The following SYN3 variants were observed in gnomAD, a reference collection of about 807,000 sequenced individuals.
SYN3 encodes the protein synapsin III.
In SYN3, 35 loss-of-function variants were observed where a neutral mutation model predicts 65.8. The ratio of observed to expected loss-of-function variants is 0.53; its 90% CI spans 0.41 to 0.70. The LOEUF (loss-of-function observed/expected upper bound fraction) is 0.70, where lower values mean the gene tolerates loss of function less well. Ranked by LOEUF, SYN3 falls within the 30% of genes least tolerant of loss-of-function variation. The pLI is 0.00. For synonymous variants in SYN3, 270 were observed against 292.9 expected (o/e 0.92, Z 0.80); for missense variants, 680 against 749.0 (o/e 0.91, Z 1.08).
intron 6 of SYN3, among the ~76,000 whole-genome samples, chr22:32,680,031 C>T (rs2060502950): frequency 6.6e-6 from 1 of 151,986 alleles, no homozygotes; most frequent in Non-Finnish European, 1.5e-5. Context: ...AGAGCCTAGT[C>T]TGCTTTATTT....
intron 7 of SYN3, among the ~76,000 whole-genome samples, chr22:32,548,234 G>A (rs2058361983): frequency 2.6e-5 from 4 of 152,106 alleles, no homozygotes; most frequent in Admixed American, 6.5e-5. Flanking sequence ...TTGCTGTTCC[G>A]AGCCTGCATG....
chr22:32,692,241 C>T (rs2060674525), intron 6 of SYN3, among the ~76,000 whole-genome samples: 1 of 145,550 alleles, frequency 6.9e-6, no homozygotes, highest in African/African-American at 2.6e-5. Context: ...CTTAATGCAA[C>T]ACATGAGCTA....
intron 1 of SYN3, among the ~76,000 whole-genome samples, chr22:33,035,330 AC>A (rs133975): frequency 0.055 from 1,738 of 31,392 alleles, 52 homozygotes; most frequent in South Asian, 0.14. Flanking sequence ...AAATCTCGGG[AC>A]CCCCCCCCCC....
At chr22:32,883,445 T>C (rs866060246) in intron 4 of SYN3, among the ~76,000 whole-genome samples, 6 of 152,364 alleles carry the variant, frequency 3.9e-5, no homozygotes, top group Middle Eastern at 3.4e-3. Context: ...GTGTGTTTAC[T>C]GGTTTGGCAG....
intron 2 of SYN3, among the ~76,000 whole-genome samples, chr22:32,996,309 A>G (rs2052879352): frequency 6.6e-6 from 1 of 152,056 alleles, no homozygotes; most frequent in South Asian, 2.1e-4. Context: ...GACCAAACAA[A>G]GTCACTCACA....
chr22:32,606,102 T>C (rs902471689), intron 6 of SYN3, among the ~76,000 whole-genome samples: 8 of 152,200 alleles, frequency 5.3e-5, no homozygotes, highest in Non-Finnish European at 1.0e-4. Context: ...AGGACGGCAG[T>C]CTGCCCTTGC....
intron 4 of SYN3, among the ~76,000 whole-genome samples, chr22:32,901,403 A>G (rs570601649): frequency 6.6e-6 from 1 of 152,318 alleles, no homozygotes; most frequent in East Asian, 1.9e-4. Context: ...AGTTGATGCT[A>G]CATAAATGTT....
In SYN3 at chr22:32,958,849, G is replaced by A. The variant is rs540976072; in HGVS notation, c.369+21796C>T. Among the ~76,000 whole-genome samples, 13 of 152,086 alleles carry A rather than the reference G, an allele frequency of 8.5e-5. 1 individual carries two copies. In the South Asian group the frequency reaches 1.9e-3, roughly 22 times the overall value. On this transcript the variant is annotated intron_variant, in intron 3 of 13. Transcript: ENST00000358763. ...TTTCACTAGGCTCCTTCCAACATGC[G>A]GCAAAGTCCGAGACAATGGGAGCAG...
chr22:32,542,090 G>A (rs966337102), intron 7 of SYN3, among the ~76,000 whole-genome samples: 4 of 152,106 alleles, frequency 2.6e-5, no homozygotes, highest in African/African-American at 9.7e-5. Flanking sequence ...CACGGGCCAT[G>A]GGGGAACAGA....
intron 2 of SYN3, 90 bp from the exon 3 acceptor site, chr22:32,980,792 A>T: frequency 1.9e-6 from 2 of 1,080,724 alleles, no homozygotes; most frequent in Non-Finnish European, 2.8e-6. Flanking sequence ...AGAGGTGCAT[A>T]TTGAGACACA....
At chr22:33,009,975 G>A (rs535881166) in intron 1 of SYN3, among the ~76,000 whole-genome samples, 2 of 152,272 alleles carry the variant, frequency 1.3e-5, no homozygotes, top group East Asian at 1.9e-4. Flanking sequence ...GCTCACGCCT[G>A]TAATCCCAGC....
At chr22:32,828,078 T>C (rs1320833650) in intron 6 of SYN3, among the ~76,000 whole-genome samples, 1 of 152,190 alleles carries the variant, frequency 6.6e-6, no homozygotes, top group Non-Finnish European at 1.5e-5. Flanking sequence ...ACCAGGAGAG[T>C]AGAGACCTTG....
chr22:32,996,866 C>T (rs997472163), intron 2 of SYN3, among the ~76,000 whole-genome samples: 5 of 152,180 alleles, frequency 3.3e-5, no homozygotes, highest in South Asian at 4.1e-4. Context: ...CTGCCTGGCT[C>T]GAGGTGGGGC....
At chr22:32,650,775 G>A (rs748859385) in intron 6 of SYN3, among the ~76,000 whole-genome samples, 3 of 152,158 alleles carry the variant, frequency 2.0e-5, no homozygotes, top group East Asian at 1.9e-4. Flanking sequence ...ACTGTACAGC[G>A]CTGTGACAAT....
chr22:32,545,464 G>C (rs914380769), intron 7 of SYN3, among the ~76,000 whole-genome samples: 3 of 152,284 alleles, frequency 2.0e-5, no homozygotes, highest in African/African-American at 7.2e-5. Flanking sequence ...GGCGCCCTCT[G>C]GGAACCCTTC....
chr22:32,907,299 G>A (rs2049926889), intron 4 of SYN3, among the ~76,000 whole-genome samples: 1 of 152,192 alleles, frequency 6.6e-6, no homozygotes, highest in African/African-American at 2.4e-5. Context: ...CTAAGAAGCT[G>A]TGAAAAGCCA....
At chr22:32,536,931 T>C (rs1341196601) in intron 9 of SYN3, among the ~76,000 whole-genome samples, 1 of 152,210 alleles carries the variant, frequency 6.6e-6, no homozygotes, top group African/African-American at 2.4e-5. Context: ...TTGCAACCGA[T>C]ACAGAGTTCT....
intron 7 of SYN3, among the ~76,000 whole-genome samples, 172 bp downstream of exon 7, chr22:32,596,502 G>C (rs774546554): frequency 3.3e-5 from 5 of 152,194 alleles, no homozygotes; most frequent in Admixed American, 2.0e-4. Flanking sequence ...TGCACCAGGA[G>C]CTCTGAGGAA....
intron 6 of SYN3, among the ~76,000 whole-genome samples, chr22:32,721,718 A>G (rs2061121386): frequency 1.3e-5 from 2 of 152,312 alleles, no homozygotes; most frequent in Non-Finnish European, 2.9e-5. Context: ...AGCCTTCATT[A>G]TCATTCTAGT....
Sources: allele counts gnomAD v4.1 joint callset (sites outside exome capture counted in the v4.1 genomes callset), GRCh38; gene constraint gnomAD v4.1.1; transcripts MANE v1.5; gene names NCBI Gene and HGNC (gene_info 2026-07-23, HGNC 2026-07-21).